Variants in DLC1 observed in about 807,000 individuals in gnomAD.
DLC1 encodes rho GTPase-activating protein 7.
A neutral mutation model predicts 140.3 loss-of-function variants in DLC1; 54 were observed. That is an observed-to-expected ratio of 0.38 (90% CI 0.31 to 0.48). The LOEUF is 0.48. Ranked by LOEUF, DLC1 falls within the 20% of genes least tolerant of loss-of-function variation. The pLI is 0.96. For missense variants in DLC1, 2,536 were observed against 1,907.0 expected, an observed-to-expected ratio of 1.33 and a Z score of -6.14; for synonymous variants, 986 against 728.1, an observed-to-expected ratio of 1.35 and a Z score of -5.70.
At chr8:13,418,595 C>G (rs189401401) in intron 2 of DLC1, among the ~76,000 whole-genome samples, 6 of 152,142 alleles carry the variant, frequency 3.9e-5, no homozygotes, top group East Asian at 3.9e-4. Flanking sequence ...GGTACCAGTA[C>G]CATGCTGTTT....
At chr8:13,431,522 A>AAAAGT (rs1838870196) in intron 2 of DLC1, among the ~76,000 whole-genome samples, 1 of 149,644 alleles carries the variant, frequency 6.7e-6, no homozygotes, top group Non-Finnish European at 1.5e-5. Context: ...AAAAGAAAAG[A>AAAAGT]ATCAAGCATT....
At chr8:13,390,726 G>A (rs993740385) in intron 4 of DLC1, among the ~76,000 whole-genome samples, 2 of 152,122 alleles carry the variant, frequency 1.3e-5, no homozygotes, top group African/African-American at 2.4e-5. Flanking sequence ...GGTGGCTCAC[G>A]CCTGTAATCC....
chr8:13,403,816 T>TTG (rs1554513927), intron 2 of DLC1, among the ~76,000 whole-genome samples: 2 of 148,768 alleles, frequency 1.3e-5, no homozygotes, highest in Non-Finnish European at 3.0e-5. Context: ...TGTTTTTTTT[T>TTG]TTTTTTTTTT....
chr8:13,592,147 TAGA>T (rs1805535478), intron 1 of DLC1, among the ~76,000 whole-genome samples: 1 of 152,028 alleles, frequency 6.6e-6, no homozygotes, highest in Non-Finnish European at 1.5e-5. Flanking sequence ...CCTGAGCAAG[TAGA>T]AGAAGAGCAG....
intron 5 of DLC1, among the ~76,000 whole-genome samples, chr8:13,264,347 A>T (rs1176001785): frequency 6.6e-6 from 1 of 152,124 alleles, no homozygotes; most frequent in Non-Finnish European, 1.5e-5. Flanking sequence ...TGCTGGGATT[A>T]CGGGTGTCAG....
rs766676405 is a variant in DLC1 at position 13,088,673 on chromosome 8, C to T, written c.4106G>A (p.Arg1369Lys). The T allele has an allele frequency of 1.9e-6, 3 of 1,613,992 alleles. No homozygotes were observed. The highest frequency in any genetic ancestry group is 1.3e-5 in the African/African-American group (1 of 74,900). The change falls in exon 16 of 18, where the codon AGG (arginine) becomes AAG (lysine). Residue 1369 changes from arginine to lysine, a missense_variant. Arg to Lys is a conservative substitution (Grantham distance 26). Transcript: ENST00000276297. ...CACAGCAGGGACTTCAATGACTGAC[C>T]TCCAAAGCCTCAGAGGGGGTCCTTC... Reference protein sequence around the residue: ...VSEGPPLRLWRSVIEVPAVPE... With the variant: ...VSEGPPLRLWKSVIEVPAVPE...
At chr8:13,465,140 A>T (rs1035232173) in intron 2 of DLC1, among the ~76,000 whole-genome samples, 3 of 152,172 alleles carry the variant, frequency 2.0e-5, no homozygotes, top group African/African-American at 7.2e-5. Context: ...GTATTTGTCC[A>T]TTCTGTTGTC....
At chr8:13,478,173 GA>G (rs1800524715) in intron 2 of DLC1, among the ~76,000 whole-genome samples, 1 of 152,162 alleles carries the variant, frequency 6.6e-6, no homozygotes. Flanking sequence ...TCTGCTCAGG[GA>G]GGCCTTAGGA....
chr8:13,393,035 TATCA>T (rs1458240941), intron 4 of DLC1, among the ~76,000 whole-genome samples: 8 of 152,178 alleles, frequency 5.3e-5, no homozygotes, highest in Admixed American at 3.9e-4. Flanking sequence ...TGTCTGTCTA[TATCA>T]ATCTAAATAT....
At chr8:13,416,850 A>G (rs1466768664) in intron 2 of DLC1, among the ~76,000 whole-genome samples, 2 of 152,146 alleles carry the variant, frequency 1.3e-5, no homozygotes, top group African/African-American at 2.4e-5. Flanking sequence ...GGTGATTTTG[A>G]TAAAGGAACT....
intron 5 of DLC1, among the ~76,000 whole-genome samples, chr8:13,218,840 G>A (rs375261548): frequency 2.9e-5 from 1 of 34,292 alleles, no homozygotes; most frequent in Non-Finnish European, 5.1e-5. Context: ...AACTATATAT[G>A]AATATAATTA....
chr8:13,263,244 G>C (rs1161735344), intron 5 of DLC1, among the ~76,000 whole-genome samples: 3 of 152,094 alleles, frequency 2.0e-5, no homozygotes. Flanking sequence ...ATTATTATCA[G>C]TGTTACTTAA....
intron 4 of DLC1, among the ~76,000 whole-genome samples, chr8:13,367,649 A>T (rs1420579859): frequency 6.6e-6 from 1 of 152,218 alleles, no homozygotes; most frequent in East Asian, 1.9e-4. Flanking sequence ...TGAAGTCATC[A>T]TATCAGGCAC....
chr8:13,472,665 A>C (rs117170309), intron 2 of DLC1, among the ~76,000 whole-genome samples: 3,577 of 152,292 alleles, frequency 0.023, 63 homozygotes, highest in Middle Eastern at 0.041. Flanking sequence ...CTAGTGTCTT[A>C]AACAAGACTA....
chr8:13,107,828 G>C (rs1470268305), intron 7 of DLC1, among the ~76,000 whole-genome samples: 2 of 152,064 alleles, frequency 1.3e-5, no homozygotes, highest in Non-Finnish European at 2.9e-5. Context: ...CAAGGCAGGT[G>C]GATCAGGAGT....
At chr8:13,160,972 T>A (rs1051463660) in intron 5 of DLC1, among the ~76,000 whole-genome samples, 2 of 152,076 alleles carry the variant, frequency 1.3e-5, no homozygotes, top group Non-Finnish European at 2.9e-5. Context: ...TCCCAGCTAC[T>A]TGGGAGGCGG....
chr8:13,334,604 C>A (rs1833744829), intron 4 of DLC1, among the ~76,000 whole-genome samples: 1 of 152,126 alleles, frequency 6.6e-6, no homozygotes, highest in African/African-American at 2.4e-5. Context: ...AAGAGGAAAA[C>A]ATCAGGAGTT....
chr8:13,350,294 G>T (rs999634511), intron 4 of DLC1, among the ~76,000 whole-genome samples: 1 of 151,020 alleles, frequency 6.6e-6, no homozygotes, highest in Non-Finnish European at 1.5e-5. Context: ...TAACACCTCA[G>T]GTTTATCATT....
In DLC1 at chr8:13,135,347, A is replaced by T. The variant is rs943751929; in HGVS notation, c.1349-19690T>A. Among the ~76,000 whole-genome samples the T allele has an allele frequency of 4.0e-5, 6 of 151,724 alleles. No individual in the cohort carries two copies. The East Asian group carries it at 7.8e-4, about 20-fold the overall frequency. ...AGGTGCCCGCCACCACACCCAGCTA[A>T]TTTTTTTGTATTTTTAGTAGAGACA... On this transcript the variant is annotated intron_variant, in intron 5 of 17. Transcript: ENST00000276297.
Sources: allele counts gnomAD v4.1 joint callset (sites outside exome capture counted in the v4.1 genomes callset), GRCh38; gene constraint gnomAD v4.1.1; transcripts MANE v1.5; gene names NCBI Gene and HGNC (gene_info 2026-07-23, HGNC 2026-07-21).